EPB41L5: variants seen among roughly 807,000 people sequenced by gnomAD.
EPB41L5 encodes the protein erythrocyte membrane protein band 4.1 like 5, also known as band 4.1-like protein 5.
Under a neutral mutation model 106.6 loss-of-function variants are expected in EPB41L5, and 55 were observed. That is an observed-to-expected ratio of 0.52 (90% CI 0.42 to 0.65). The LOEUF (loss-of-function observed/expected upper bound fraction) is 0.65. Among genes scored for constraint, EPB41L5 ranks in the 30% least tolerant of loss-of-function variants. The probability of loss-of-function intolerance (pLI) is 0.00; values close to 1 mark genes in which losing one functional copy is unlikely to be tolerated. For synonymous variants in EPB41L5, 297 were observed against 306.7 expected (o/e 0.97, Z 0.33); for missense variants, 871 against 882.1 (o/e 0.99, Z 0.16).
intron 2 of EPB41L5, among the ~76,000 whole-genome samples, chr2:120,025,145 C>G (rs1318706093): frequency 6.6e-6 from 1 of 151,984 alleles, no homozygotes; most frequent in Non-Finnish European, 1.5e-5. Flanking sequence ...TGATTGGTAG[C>G]CTATTAATTG....
At chr2:120,137,117 A>G (rs1361748485) in intron 18 of EPB41L5, among the ~76,000 whole-genome samples, 1 of 152,144 alleles carries the variant, frequency 6.6e-6, no homozygotes, top group Non-Finnish European at 1.5e-5. Flanking sequence ...ATGCTTCCAA[A>G]TGACCAGTGG....
chr2:120,126,945 T>A (rs2105461185), intron 16 of EPB41L5, among the ~76,000 whole-genome samples: 1 of 152,334 alleles, frequency 6.6e-6, no homozygotes, highest in African/African-American at 2.4e-5. Flanking sequence ...ATAAATGATT[T>A]TCAGTGTACA....
At chr2:120,163,332 T>C (rs754185703) in intron 21 of EPB41L5, among the ~76,000 whole-genome samples, 7 of 146,400 alleles carry the variant, frequency 4.8e-5, no homozygotes, top group Non-Finnish European at 1.0e-4. Flanking sequence ...ATGCCCTAGG[T>C]TCCTATTGTT....
intron 3 of EPB41L5, among the ~76,000 whole-genome samples, chr2:120,069,492 C>G (rs1309799256): frequency 5.9e-5 from 9 of 152,154 alleles, no homozygotes; most frequent in Admixed American, 5.9e-4. Flanking sequence ...CTACAGAACT[C>G]TCCACCCCAG....
intron 3 of EPB41L5, among the ~76,000 whole-genome samples, chr2:120,064,372 T>C (rs992814477): frequency 6.6e-6 from 1 of 152,170 alleles, no homozygotes; most frequent in Non-Finnish European, 1.5e-5. Flanking sequence ...ATTTCTTTAT[T>C]AGAGACATGT....
intron 17 of EPB41L5, among the ~76,000 whole-genome samples, chr2:120,129,982 C>T (rs1377814695): frequency 6.6e-6 from 1 of 152,088 alleles, no homozygotes; most frequent in Non-Finnish European, 1.5e-5. Flanking sequence ...CCAGTCTCTA[C>T]TAAAAGTACA....
chr2:120,052,867 A>T (rs570278054), intron 3 of EPB41L5, among the ~76,000 whole-genome samples: 2 of 152,332 alleles, frequency 1.3e-5, no homozygotes, highest in African/African-American at 4.8e-5. Flanking sequence ...ACCCATAAAT[A>T]ATTGAAATTC....
intron 14 of EPB41L5, among the ~76,000 whole-genome samples, chr2:120,099,954 T>C (rs1684031671): frequency 6.6e-6 from 1 of 152,190 alleles, no homozygotes; most frequent in Non-Finnish European, 1.5e-5. Context: ...ATAGCTGTTG[T>C]CCAATGAATA....
chr2:120,145,362 AAT>A (rs1163492461), intron 19 of EPB41L5, among the ~76,000 whole-genome samples: 1 of 152,214 alleles, frequency 6.6e-6, no homozygotes, highest in East Asian at 1.9e-4. Flanking sequence ...AATAAAAAGG[AAT>A]AAATTAGTGA....
chr2:120,105,845 A>T, intron 16 of EPB41L5: 4 of 985,398 alleles, frequency 4.1e-6, no homozygotes, highest in Non-Finnish European at 4.8e-6. Context: ...AATTTGGATT[A>T]TAACATTTTA....
intron 16 of EPB41L5, among the ~76,000 whole-genome samples, chr2:120,123,079 C>A (rs560598394): frequency 6.6e-6 from 1 of 152,258 alleles, no homozygotes; most frequent in South Asian, 2.1e-4. Flanking sequence ...TCCTTGAGCC[C>A]AGGATATGGT....
chr2:120,108,945 T>G (rs1684597120), intron 16 of EPB41L5, among the ~76,000 whole-genome samples: 1 of 152,194 alleles, frequency 6.6e-6, no homozygotes, highest in Non-Finnish European at 1.5e-5. Flanking sequence ...GTAAAGGCAT[T>G]GAATATCAGT....
intron 20 of EPB41L5, among the ~76,000 whole-genome samples, chr2:120,154,482 A>G (rs972459622): frequency 1.3e-5 from 2 of 151,834 alleles, no homozygotes; most frequent in African/African-American, 4.8e-5. Context: ...TATATTTAAA[A>G]ATTTATCCCT....
At position 120,167,916 on chromosome 2, in the gene EPB41L5, A is replaced by G. The variant is rs150011085; in HGVS notation, c.2044A>G (p.Met682Val). The G allele has an allele frequency of 5.2e-4, 846 of 1,614,120 alleles. 1 individual carries two copies. The Middle Eastern group carries it at 0.013, about 24-fold the overall frequency. ...GTCTAATGGACTTGCGGGATGTGAA[A>G]TGCTTTTGACAGGGAAGGAGGGACA... Reference protein sequence around the residue: ...AMSNGLAGCEMLLTGKEGHGN... With the variant: ...AMSNGLAGCEVLLTGKEGHGN... The change falls in exon 24 of 25, where the codon ATG becomes GTG. Residue 682 changes from methionine (M) to valine (V), a missense_variant. Met to Val is a conservative substitution (Grantham distance 21, BLOSUM62 1). Coordinates refer to ENST00000263713, the MANE Select transcript of EPB41L5 (RefSeq NM_020909.4).
intron 3 of EPB41L5, among the ~76,000 whole-genome samples, chr2:120,045,416 C>G (rs1679700661): frequency 6.6e-6 from 1 of 151,960 alleles, no homozygotes; most frequent in South Asian, 2.1e-4. Context: ...TATAAATAAC[C>G]ATGTTTCTGG....
chr2:120,172,009 TAAAAA>T (rs753429042), intron 24 of EPB41L5, among the ~76,000 whole-genome samples: 5 of 109,222 alleles, frequency 4.6e-5, no homozygotes, highest in Non-Finnish European at 1.0e-4. Flanking sequence ...ACAGGAAACT[TAAAAA>T]AAAAAAAAGG....
Position 120,077,129 on chromosome 2 carries a change from A to G in EPB41L5, c.626+38A>G, listed in dbSNP as rs780114709. 9 of 1,599,904 alleles carry G rather than the reference A, an allele frequency of 5.6e-6. No homozygotes were observed. The Middle Eastern group carries it at 8.3e-4, about 148-fold the overall frequency. On this transcript the variant is annotated intron_variant, in intron 8 of 24. Transcript: ENST00000263713. Reference sequence around the variant, plus strand: ...TGACCATACTTTCTTTAAAATCACCACAACAGTTATTTCATATTCATTTTC... The same window carrying G: ...TGACCATACTTTCTTTAAAATCACCGCAACAGTTATTTCATATTCATTTTC...
chr2:120,165,547 AC>A (rs1275670512), intron 22 of EPB41L5, among the ~76,000 whole-genome samples: 1 of 152,230 alleles, frequency 6.6e-6, no homozygotes, highest in Non-Finnish European at 1.5e-5. Flanking sequence ...TTCAGTACAG[AC>A]ACAACCATCC....
chr2:120,042,350 G>T (rs894333811), intron 3 of EPB41L5, among the ~76,000 whole-genome samples: 1 of 152,158 alleles, frequency 6.6e-6, no homozygotes, highest in Non-Finnish European at 1.5e-5. Flanking sequence ...TCAGGATGGG[G>T]CTCCAGAATC....
Sources: gnomAD v4.1 joint callset for allele counts (sites outside exome capture counted in the v4.1 genomes callset) on GRCh38, gnomAD v4.1.1 for gene constraint, MANE v1.5 for transcripts, NCBI Gene and HGNC (gene_info 2026-07-23, HGNC 2026-07-21) for gene names.